The following EPC2 variants were observed in gnomAD, a reference collection of about 807,000 sequenced individuals.
EPC2 encodes the protein enhancer of polycomb 2, also known as enhancer of polycomb homolog 2.
EPC2 carries 14 observed loss-of-function variants against 92.1 expected under a neutral mutation model. That is an observed-to-expected ratio of 0.15 (90% CI 0.10 to 0.24). EPC2 has a LOEUF of 0.24. Ranked by LOEUF, EPC2 falls within the 10% of genes least tolerant of loss-of-function variation. The pLI is 1.00. For missense variants in EPC2, 755 were observed against 971.5 expected (o/e 0.78, Z 2.96); for synonymous variants, 340 against 334.7 (o/e 1.02, Z -0.17).
chr2:148,781,867 T>C, intron 11 of EPC2, 87 bp downstream of exon 11: 1 of 1,519,898 alleles, frequency 6.6e-7, no homozygotes, highest in South Asian at 1.3e-5. Context: ...CAGAAGATAA[T>C]CTTGGTTTTG....
intron 6 of EPC2, among the ~76,000 whole-genome samples, chr2:148,763,546 G>A (rs747568824): frequency 4.6e-5 from 7 of 152,152 alleles, no homozygotes; most frequent in Non-Finnish European, 8.8e-5. Context: ...ATGACCTAGG[G>A]TGTTTGTGGA....
chr2:148,741,534 T>TTTGTTAGTTCCTTTGTTA (rs1241885305), intron 2 of EPC2, among the ~76,000 whole-genome samples: 1 of 152,182 alleles, frequency 6.6e-6, no homozygotes, highest in Non-Finnish European at 1.5e-5. Context: ...TATATACATC[T>TTTGTTAGTTCCTTTGTTA]GTTCCTATTC....
In EPC2 at chr2:148,785,242, G is replaced by A. The variant is rs537373979; in HGVS notation, c.2351+241G>A. 5.1e-4 allele frequency among the ~76,000 whole-genome samples: 77 copies of A among 152,224 alleles called. No homozygotes were observed. The South Asian group carries it at 0.016, about 32-fold the overall frequency. The stretch of plus-strand genomic sequence containing the variant: ...AAGACAGAGTAGTAGTAGAGAGAGA[G>A]AGAGAGAAAGGAAAAGAAAGAAAAG... On this transcript the variant is annotated intron_variant, in intron 13 of 13. Coordinates refer to ENST00000258484, the MANE Select transcript of EPC2 (RefSeq NM_015630.4).
chr2:148,719,912 C>T (rs1408115032), intron 2 of EPC2, among the ~76,000 whole-genome samples: 1 of 152,232 alleles, frequency 6.6e-6, no homozygotes, highest in African/African-American at 2.4e-5. Flanking sequence ...GGAGCTCTTT[C>T]GGCCCATAGA....
intron 2 of EPC2, among the ~76,000 whole-genome samples, chr2:148,734,461 G>A (rs887584489): frequency 1.3e-5 from 2 of 151,824 alleles, no homozygotes; most frequent in Non-Finnish European, 2.9e-5. Context: ...TGTATACAAC[G>A]ATTATTAAGA....
intron 2 of EPC2, among the ~76,000 whole-genome samples, chr2:148,706,327 C>T (rs1327793011): frequency 6.6e-6 from 1 of 152,058 alleles, no homozygotes; most frequent in African/African-American, 2.4e-5. Flanking sequence ...AATAAAGCCT[C>T]CAAGAAATAT....
intron 13 of EPC2, among the ~76,000 whole-genome samples, chr2:148,785,327 C>A (rs1032020744): frequency 4.6e-5 from 7 of 152,070 alleles, no homozygotes; most frequent in African/African-American, 1.4e-4. Context: ...CTCTTCCCCC[C>A]ACTGCCCGCC....
At chr2:148,657,725 G>A (rs1178199452) in intron 1 of EPC2, among the ~76,000 whole-genome samples, 1 of 152,058 alleles carries the variant, frequency 6.6e-6, no homozygotes, top group Non-Finnish European at 1.5e-5. Context: ...GGTGATTCTG[G>A]ATTCAGTAGA....
Position 148,784,693 on chromosome 2 carries a change from C to T in EPC2, c.2043C>T (p.Thr681=), listed in dbSNP as rs747497350. 1.9e-6 allele frequency: 3 copies of T among 1,610,820 alleles called. No individual in the cohort carries two copies. Among genetic ancestry groups the T allele is most frequent in the South Asian group, 1.1e-5 (1 of 90,544 alleles). The change falls in exon 13 of 14, where the codon ACC becomes ACT. Residue 681 remains threonine, a synonymous_variant. Coordinates refer to ENST00000258484, the MANE Select transcript of EPC2 (RefSeq NM_015630.4). ...PSGTSKTLYS[T]NMALSSSPGI... ...GAACCTCTAAAACATTATACTCCAC[C>T]AATATGGCTTTATCATCCAGCCCAG...
chr2:148,753,902 A>G (rs1296081290), intron 3 of EPC2, 25 bp from the exon 4 acceptor site: 3 of 1,583,976 alleles, frequency 1.9e-6, no homozygotes, highest in African/African-American at 1.3e-5. Flanking sequence ...ATTGTAGCCA[A>G]TGACATTTTG....
intron 3 of EPC2, among the ~76,000 whole-genome samples, chr2:148,745,077 T>C (rs939957858): frequency 2.0e-5 from 3 of 149,014 alleles, no homozygotes; most frequent in Non-Finnish European, 4.4e-5. Flanking sequence ...TTTGTAAAAT[T>C]CATGTTACTG....
At chr2:148,770,970 G>A in intron 9 of EPC2, 33 bp downstream of exon 9, 1 of 1,601,658 alleles carries the variant, frequency 6.2e-7, no homozygotes, top group South Asian at 1.1e-5. Flanking sequence ...GTTTTTGTTT[G>A]CTATCTGGAA....
intron 2 of EPC2, among the ~76,000 whole-genome samples, chr2:148,709,761 T>C (rs1398077469): frequency 1.3e-5 from 2 of 152,208 alleles, no homozygotes; most frequent in African/African-American, 2.4e-5. Flanking sequence ...ATTCCCTATT[T>C]AATAAATGGT....
At chr2:148,689,025 CCT>C (rs1316797983) in intron 1 of EPC2, among the ~76,000 whole-genome samples, 7 of 152,062 alleles carry the variant, frequency 4.6e-5, no homozygotes, top group African/African-American at 9.7e-5. Context: ...TCACGGAAGG[CCT>C]CTCTGCTAAG....
chr2:148,708,395 G>A (rs928922002), intron 2 of EPC2, among the ~76,000 whole-genome samples: 9 of 152,044 alleles, frequency 5.9e-5, no homozygotes, highest in African/African-American at 1.9e-4. Context: ...ACGGATTCAC[G>A]GCTGAATTCT....
chr2:148,782,915 A>G (rs1314160731), intron 11 of EPC2, among the ~76,000 whole-genome samples: 1 of 152,202 alleles, frequency 6.6e-6, no homozygotes, highest in African/African-American at 2.4e-5. Context: ...TTTTGGTTAT[A>G]TTTTGTGAGC....
intron 2 of EPC2, among the ~76,000 whole-genome samples, chr2:148,697,312 C>CTT (rs1031492582): frequency 1.4e-5 from 2 of 143,542 alleles, no homozygotes; most frequent in African/African-American, 5.1e-5. Context: ...GTAATGGATT[C>CTT]TTTTTTTTTT....
chr2:148,739,833 C>CTTTTTTTTTTTTT (rs144868417), intron 2 of EPC2, among the ~76,000 whole-genome samples: 61 of 81,286 alleles, frequency 7.5e-4, no homozygotes, highest in African/African-American at 1.6e-3. Flanking sequence ...TCTTCTTCTT[C>CTTTTTTTTTTTTT]TTTTTTTTTT....
rs572310881 is a variant in EPC2, at chr2:148,759,887, G to C, written c.667-1895G>C. ...AAGGTTTTGTTTTTGTTTTTTATTTGTTTTTTAAAAAAAGGACAAGACTGG... is the reference window on the plus strand; with the variant it reads ...AAGGTTTTGTTTTTGTTTTTTATTTCTTTTTTAAAAAAAGGACAAGACTGG... On this transcript the variant is annotated intron_variant, in intron 4 of 13. Transcript: ENST00000258484. Among the ~76,000 whole-genome samples the C allele has an allele frequency of 1.2e-3, 177 of 152,000 alleles. 1 individual carries two copies. The highest frequency in any genetic ancestry group is 4.1e-3 in the African/African-American group (172 of 41,462).
Sources: gnomAD v4.1 joint callset for allele counts (sites outside exome capture counted in the v4.1 genomes callset) on GRCh38, gnomAD v4.1.1 for gene constraint, MANE v1.5 for transcripts, NCBI Gene and HGNC (gene_info 2026-07-23, HGNC 2026-07-21) for gene names.